Variants in CSRNP3 observed in about 807,000 individuals in gnomAD.
CSRNP3 encodes the protein cysteine and serine rich nuclear protein 3.
In CSRNP3, 12 loss-of-function variants were observed where a neutral mutation model predicts 48.0. That is an observed-to-expected ratio of 0.25 (90% CI 0.16 to 0.41). The LOEUF is 0.41. CSRNP3 is among the 10% of genes least tolerant of loss of function. CSRNP3 has a pLI of 1.00. For synonymous variants in CSRNP3, 263 were observed against 269.7 expected, an observed-to-expected ratio of 0.98 and a Z score of 0.24; for missense variants, 580 against 724.4, an observed-to-expected ratio of 0.80 and a Z score of 2.29.
chr2:165,679,427 G>T lies in CSRNP3; in HGVS notation c.1432G>T (p.Val478Phe), dbSNP rs1417494652. The T allele has an allele frequency of 6.2e-7, 1 of 1,612,866 alleles. No homozygotes were observed. Among genetic ancestry groups the T allele is most frequent in the Admixed American group, 1.7e-5 (1 of 59,910 alleles). ...TTACACCATGACCCCGGAGCAATTCGTTGACTATGCCCGACAAGCAGAAGA... is the reference window on the plus strand; with the variant it reads ...TTACACCATGACCCCGGAGCAATTCTTTGACTATGCCCGACAAGCAGAAGA... ...VPYTMTPEQF[V>F]DYARQAEEAY... Residue 478 changes from valine to phenylalanine, a missense_variant, in exon 7 of 7, where the codon GTT becomes TTT. By Grantham distance (50) the Val-to-Phe change is conservative. Around this residue, in one of 4 missense-constraint regions of CSRNP3, gnomAD observed 369 missense variants for 380.8 expected, o/e 0.97. Coordinates refer to ENST00000651982, the MANE Select transcript of CSRNP3 (RefSeq NM_001172173.2).
intron 3 of CSRNP3, among the ~76,000 whole-genome samples, chr2:165,567,487 C>G (rs1028234165): frequency 5.3e-5 from 8 of 152,068 alleles, no homozygotes; most frequent in African/African-American, 9.7e-5. Context: ...AGAGCTATCC[C>G]TACCACTTAA....
At chr2:165,541,056 A>G (rs1319038207) in intron 3 of CSRNP3, among the ~76,000 whole-genome samples, 2 of 151,948 alleles carry the variant, frequency 1.3e-5, no homozygotes, top group African/African-American at 2.4e-5. Flanking sequence ...CTTAGAGTCA[A>G]TATTTTATAT....
chr2:165,665,718 C>CCA (rs1249256934), intron 5 of CSRNP3, among the ~76,000 whole-genome samples: 1 of 148,870 alleles, frequency 6.7e-6, no homozygotes, highest in African/African-American at 2.5e-5. Context: ...TATGATTGTG[C>CCA]CATTGTACTG....
chr2:165,558,014 C>G (rs973315538), intron 3 of CSRNP3, among the ~76,000 whole-genome samples: 7 of 152,112 alleles, frequency 4.6e-5, no homozygotes, highest in Admixed American at 2.0e-4. Context: ...CTGAATAGTT[C>G]CATAAGTTAC....
At chr2:165,501,064 A>G (rs1233342097) in intron 2 of CSRNP3, among the ~76,000 whole-genome samples, 3 of 152,120 alleles carry the variant, frequency 2.0e-5, no homozygotes, top group Non-Finnish European at 4.4e-5. Context: ...TTCTGGATAT[A>G]TATACATTTA....
rs771909907 is a variant in CSRNP3, at chr2:165,679,486, C to T, written c.1491C>T (p.Asn497=). The T allele has an allele frequency of 2.5e-6, 4 of 1,613,612 alleles. No individual in the cohort carries two copies. Among genetic ancestry groups the T allele is most frequent in the African/African-American group, 1.3e-5 (1 of 74,904 alleles). ...GTGCCTCCCACTACCCAGCTGCCAA[C>T]CCCTCTGTAATCGTTTGCTGCTCCT... ...AYGASHYPAA[N]PSVIVCCSSS... Residue 497 remains asparagine (N), a synonymous_variant, in exon 7 of 7, where the codon AAC becomes AAT. Coordinates refer to ENST00000651982, the MANE Select transcript of CSRNP3 (RefSeq NM_001172173.2).
Position 165,684,050 on chromosome 2 carries a change from G to A in CSRNP3, c.*4297G>A. 1 of 152,134 alleles carries A rather than the reference G, an allele frequency of 6.6e-6. No individual in the cohort carries two copies. Among genetic ancestry groups the A allele is most frequent in the East Asian group, 1.9e-4 (1 of 5,194 alleles). The allele number at this position is 152,134 out of a possible 1,614,324, so 9.4% of individuals were successfully genotyped here. A position where few individuals can be genotyped will look rare whatever the true frequency, so the allele number is the denominator to read the frequency against. On this transcript the variant is annotated 3_prime_UTR_variant, in exon 7 of 7. Coordinates refer to ENST00000651982, the MANE Select transcript of CSRNP3 (RefSeq NM_001172173.2). The stretch of plus-strand genomic sequence containing the variant: ...AATTTACACCAGCAAACTCCTATCA[G>A]ACAGTTTCAAGGAGGATTTGACTCA...
intron 4 of CSRNP3, among the ~76,000 whole-genome samples, chr2:165,626,387 A>T (rs986791022): frequency 3.9e-5 from 6 of 152,312 alleles, no homozygotes; most frequent in African/African-American, 1.4e-4. Context: ...AAATACAAAT[A>T]CAAAGGTCCA....
At chr2:165,558,682 G>A (rs1223318544) in intron 3 of CSRNP3, among the ~76,000 whole-genome samples, 1 of 152,076 alleles carries the variant, frequency 6.6e-6, no homozygotes, top group Admixed American at 6.6e-5. Flanking sequence ...TTATTATGTA[G>A]CCGCAATAAT....
intron 2 of CSRNP3, among the ~76,000 whole-genome samples, chr2:165,507,400 A>C (rs1684441293): frequency 6.6e-6 from 1 of 152,144 alleles, no homozygotes; most frequent in South Asian, 2.1e-4. Context: ...TCATCATGCC[A>C]CTAATATTTC....
At chr2:165,574,810 T>C (rs2105277052) in intron 3 of CSRNP3, among the ~76,000 whole-genome samples, 1 of 152,300 alleles carries the variant, frequency 6.6e-6, no homozygotes, top group Admixed American at 6.5e-5. Context: ...AGCCTAAGAT[T>C]ATTGTGATGT....
intron 4 of CSRNP3, 97 bp downstream of exon 4, chr2:165,595,310 T>C: frequency 1.7e-6 from 2 of 1,189,294 alleles, no homozygotes; most frequent in Non-Finnish European, 2.4e-6. Context: ...GCTATATATA[T>C]TTTCCCATCA....
At chr2:165,623,697 T>A (rs1686381409) in intron 4 of CSRNP3, among the ~76,000 whole-genome samples, 1 of 152,202 alleles carries the variant, frequency 6.6e-6, no homozygotes, top group South Asian at 2.1e-4. Context: ...GACTTTTTAA[T>A]ACCCCTAGGC....
chr2:165,471,327 A>T (rs1265765342), intron 1 of CSRNP3, among the ~76,000 whole-genome samples: 1 of 151,960 alleles, frequency 6.6e-6, no homozygotes. Context: ...TTGTTTTTTT[A>T]AGCAAAACAA....
intron 3 of CSRNP3, among the ~76,000 whole-genome samples, chr2:165,569,349 A>G (rs1685338934): frequency 6.6e-6 from 1 of 152,100 alleles, no homozygotes; most frequent in Non-Finnish European, 1.5e-5. Context: ...TTCTTCATGC[A>G]GTAGAATGTT....
intron 3 of CSRNP3, among the ~76,000 whole-genome samples, chr2:165,543,154 C>T (rs551866116): frequency 2.0e-5 from 3 of 152,242 alleles, no homozygotes; most frequent in African/African-American, 7.2e-5. Context: ...TTCTACTTTA[C>T]TAGACCAGGT....
chr2:165,479,785 T>C (rs781023373), intron 1 of CSRNP3, among the ~76,000 whole-genome samples: 6 of 151,210 alleles, frequency 4.0e-5, no homozygotes, highest in Non-Finnish European at 8.8e-5. Flanking sequence ...ACTTGGAGGC[T>C]GAGGCAGGAG....
At chr2:165,655,495 AATT>A (rs1431891266) in intron 4 of CSRNP3, among the ~76,000 whole-genome samples, 2 of 152,140 alleles carry the variant, frequency 1.3e-5, no homozygotes, top group Non-Finnish European at 2.9e-5. Flanking sequence ...ATAAATGTTG[AATT>A]ATAGCATTTT....
In CSRNP3 at chr2:165,606,649, A is replaced by G. The variant is rs187745740; in HGVS notation, c.148+11436A>G. The stretch of plus-strand genomic sequence containing the variant: ...GGAAACCCAGTAGTGAAAAGTGAAA[A>G]CGTGGAATAATTGTCCATTTGAATA... On this transcript the variant is annotated intron_variant, in intron 4 of 6. Transcript: ENST00000651982. Among the ~76,000 whole-genome samples the G allele has an allele frequency of 1.7e-3, 260 of 152,248 alleles. 1 individual carries two copies. Among genetic ancestry groups the G allele is most frequent in the Non-Finnish European group, 3.3e-3 (221 of 67,986 alleles).
Sources: gnomAD v4.1 joint callset for allele counts (sites outside exome capture counted in the v4.1 genomes callset) on GRCh38, gnomAD v4.1.1 for gene constraint, gnomAD v4.1.1 regional missense constraint, MANE v1.5 for transcripts, NCBI Gene and HGNC (gene_info 2026-07-23, HGNC 2026-07-21) for gene names.